Variants in STAB2 observed in about 807,000 individuals in gnomAD.
STAB2 encodes the protein stabilin-2.
Under a neutral mutation model 338.1 loss-of-function variants are expected in STAB2, and 288 were observed. The observed-to-expected ratio is 0.85, with a 90% confidence interval of 0.77 to 0.94. The LOEUF (loss-of-function observed/expected upper bound fraction) is 0.94, where lower values mean the gene tolerates loss of function less well. Ranked by LOEUF, STAB2 falls within the 40% of genes least tolerant of loss-of-function variation. The pLI, the probability that STAB2 is intolerant of heterozygous loss-of-function variation, is 0.00. For synonymous variants in STAB2, 1,202 were observed against 1,193.3 expected (o/e 1.01, Z -0.15); for missense variants, 3,141 against 3,210.1 (o/e 0.98, Z 0.52).
chr12:103,757,872 C>T (rs1277676447), intron 63 of STAB2: 1 of 393,546 alleles, frequency 2.5e-6, no homozygotes, highest in East Asian at 5.0e-5. Flanking sequence ...AGTGGGGGGC[C>T]ACTGCAGGAT....
In STAB2 at chr12:103,676,016, C is replaced by A; in HGVS notation, c.2641C>A (p.Arg881Ser). 5 of 1,605,126 alleles carry A rather than the reference C, an allele frequency of 3.1e-6. No individual in the cohort carries two copies. Among genetic ancestry groups the A allele is most frequent in the Non-Finnish European group, 3.4e-6 (4 of 1,175,916 alleles). ...CTGLTPGGCS[R>S]NAECIKTGTG... ...AGGACTAACTCCAGGAGGCTGTAGC[C>A]GCAATGTGAGTACTGGTCTTCATTT... Residue 881 changes from arginine to serine, a missense_variant, in exon 24 of 69, where the codon CGC (arginine) becomes AGC (serine). By Grantham distance (110) the Arg-to-Ser change is moderately radical. Transcript: ENST00000388887.
intron 19 of STAB2, among the ~76,000 whole-genome samples, chr12:103,667,291 G>A (rs1486568657): frequency 6.6e-6 from 1 of 152,214 alleles, no homozygotes; most frequent in East Asian, 1.9e-4. Flanking sequence ...ATGTGAGAGG[G>A]AGGAGAAGAG....
intron 47 of STAB2, among the ~76,000 whole-genome samples, chr12:103,727,646 CAG>C (rs761699051): frequency 1.3e-5 from 2 of 152,194 alleles, no homozygotes; most frequent in African/African-American, 2.4e-5. Flanking sequence ...AGACAAAAAA[CAG>C]GGGAGTGGAG....
rs143107229 is a variant in STAB2 at position 103,725,125 on chromosome 12, C to A, written c.4803+31C>A. ...GCGAGACATGTTTCCATCAAGTAAACTCTACTTCCCTAAAAATGCCAAGAA... is the reference window on the plus strand; with the variant it reads ...GCGAGACATGTTTCCATCAAGTAAAATCTACTTCCCTAAAAATGCCAAGAA... On this transcript the variant is annotated intron_variant, in intron 45 of 68. Coordinates refer to ENST00000388887, the MANE Select transcript of STAB2 (RefSeq NM_017564.10). The A allele has an allele frequency of 2.3e-4, 370 of 1,592,926 alleles. No individual in the cohort carries two copies. In the African/African-American group the frequency reaches 4.5e-3, roughly 19 times the overall value.
At chr12:103,588,752 C>T (rs1404034557) in intron 1 of STAB2, among the ~76,000 whole-genome samples, 19 of 152,028 alleles carry the variant, frequency 1.2e-4, no homozygotes, top group Non-Finnish European at 2.1e-4. Context: ...ACATACTTAT[C>T]CAAATGTGAA....
chr12:103,660,462 A>T lies in STAB2; in HGVS notation c.1788+78A>T, dbSNP rs76063084. ...CTTAGTCTTGAATTCCAATATTTTG[A>T]CGCTAGAAAATGTCCTTTATCTGTA... is the stretch of plus-strand genomic sequence containing the variant. On this transcript the variant is annotated intron_variant, in intron 16 of 68. Coordinates refer to ENST00000388887, the MANE Select transcript of STAB2 (RefSeq NM_017564.10). 395 of 1,534,828 alleles carry T rather than the reference A, an allele frequency of 2.6e-4. 1 individual carries two copies. Among genetic ancestry groups the T allele is most frequent in the Non-Finnish European group, 3.2e-4 (357 of 1,107,730 alleles).
chr12:103,609,276 G>A (rs1957082901), intron 3 of STAB2, among the ~76,000 whole-genome samples: 2 of 152,308 alleles, frequency 1.3e-5, no homozygotes, highest in South Asian at 2.1e-4. Context: ...ATTACCTTGG[G>A]CAGTATATCC....
chr12:103,675,868 G>T, intron 23 of STAB2, 60 bp from the exon 24 acceptor site: 1 of 1,370,494 alleles, frequency 7.3e-7, no homozygotes, highest in Non-Finnish European at 1.0e-6. Context: ...TAGCTGGCTG[G>T]CTCTCTTCTG....
rs753762246 is a variant in STAB2 at position 103,660,775 on chromosome 12, C to A, written c.1869+12C>A. The A allele has an allele frequency of 1.2e-5, 19 of 1,613,508 alleles. No individual in the cohort carries two copies. In the South Asian group the frequency reaches 1.9e-4, roughly 16 times the overall value. Reference sequence around the variant, plus strand: ...ACACCACCGACAATGTAAGTGAAAACTCAACCACCACCAGCATCACTTGAA... The same window carrying A: ...ACACCACCGACAATGTAAGTGAAAAATCAACCACCACCAGCATCACTTGAA... On this transcript the variant is annotated intron_variant, in intron 17 of 68. Coordinates refer to ENST00000388887, the MANE Select transcript of STAB2 (RefSeq NM_017564.10).
At position 103,742,528 on chromosome 12, in the gene STAB2, C is replaced by T. The variant is rs367681128; in HGVS notation, c.6005C>T (p.Pro2002Leu). The T allele has an allele frequency of 1.7e-5, 27 of 1,614,054 alleles. No homozygotes were observed. Among genetic ancestry groups the T allele is most frequent in the East Asian group, 6.7e-5 (3 of 44,878 alleles). The stretch of plus-strand genomic sequence containing the variant: ...GGGACGGCGTGTGAGATGTGCTGGC[C>T]GGGGAGATTCGGGCCTGATTGTCTG... ...FNGTACEMCWPGRFGPDCLPC... is the reference protein window; with the variant it reads ...FNGTACEMCWLGRFGPDCLPC... The change falls in exon 56 of 69, where the codon CCG (proline) becomes CTG (leucine). Residue 2002 changes from proline to leucine, a missense_variant. Physicochemically the swap from Pro to Leu is moderately conservative, Grantham distance 98. Coordinates refer to ENST00000388887, the MANE Select transcript of STAB2 (RefSeq NM_017564.10).
chr12:103,617,604 C>T (rs1323378113), intron 3 of STAB2, among the ~76,000 whole-genome samples: 1 of 152,234 alleles, frequency 6.6e-6, no homozygotes, highest in Non-Finnish European at 1.5e-5. Flanking sequence ...TGTCCCAGCT[C>T]CTCCCATGAC....
Position 103,690,504 on chromosome 12 carries a change from A to G in STAB2, c.3263A>G (p.Gln1088Arg), listed in dbSNP as rs765186669. The G allele has an allele frequency of 2.5e-6, 4 of 1,614,010 alleles. No homozygotes were observed. The African/African-American group carries it at 5.3e-5, about 22-fold the overall frequency. ...TCTGACATGTTGGCAACATCTTTGC[A>G]GGGCAACTTCCTTCACTTGGCAAAG... ...SSSDMLATSL[Q>R]GNFLHLAKVD... Residue 1088 changes from glutamine to arginine, a missense_variant, in exon 30 of 69, where the codon CAG becomes CGG. Physicochemically the swap from Gln to Arg is conservative, Grantham distance 43. Coordinates refer to ENST00000388887, the MANE Select transcript of STAB2 (RefSeq NM_017564.10).
intron 45 of STAB2, among the ~76,000 whole-genome samples, chr12:103,725,412 A>C (rs1053517241): frequency 6.6e-6 from 1 of 152,232 alleles, no homozygotes. Context: ...TCAATTTTCC[A>C]ATCTGTAAAA....
chr12:103,659,831 C>G (rs1384831853), intron 15 of STAB2, among the ~76,000 whole-genome samples: 2 of 152,224 alleles, frequency 1.3e-5, no homozygotes, highest in African/African-American at 4.8e-5. Context: ...ATCCCTATGA[C>G]TCTATAATCC....
intron 48 of STAB2, 142 bp downstream of exon 48, chr12:103,729,137 G>T: frequency 1.3e-6 from 1 of 755,652 alleles, no homozygotes. Context: ...TTACAAGTGG[G>T]AGCTAAATAA....
intron 44 of STAB2, among the ~76,000 whole-genome samples, chr12:103,721,172 G>A (rs1187738704): frequency 2.0e-5 from 3 of 152,156 alleles, no homozygotes; most frequent in African/African-American, 2.4e-5. Context: ...ATTTAGACTA[G>A]AGCAGGAGGC....
At chr12:103,604,163 A>G (rs1006269706) in intron 3 of STAB2, among the ~76,000 whole-genome samples, 3 of 152,094 alleles carry the variant, frequency 2.0e-5, no homozygotes, top group African/African-American at 7.2e-5. Flanking sequence ...AGACAACTTT[A>G]TTTATTTATT....
intron 12 of STAB2, among the ~76,000 whole-genome samples, chr12:103,653,607 G>GATGA (rs1194397564): frequency 3.1e-4 from 45 of 144,638 alleles, no homozygotes; most frequent in African/African-American, 1.1e-3. Flanking sequence ...TAGGTCACTG[G>GATGA]ATGGATGGAT....
intron 38 of STAB2, 104 bp from the exon 39 acceptor site, chr12:103,708,337 G>A (rs957514345): frequency 9.0e-7 from 1 of 1,117,028 alleles, no homozygotes; most frequent in Non-Finnish European, 1.3e-6. Flanking sequence ...ATTCCTAGAA[G>A]TAGGTTGGAG....
Sources: gnomAD v4.1 joint callset for allele counts (sites outside exome capture counted in the v4.1 genomes callset) on GRCh38, gnomAD v4.1.1 for gene constraint, MANE v1.5 for transcripts, NCBI Gene and HGNC (gene_info 2026-07-23, HGNC 2026-07-21) for gene names.